TMEFF2: variants seen among roughly 807,000 people sequenced by gnomAD.
TMEFF2 encodes the protein transmembrane protein with EGF like and two follistatin like domains 2, also known as tomoregulin-2.
Under a neutral mutation model 53.8 loss-of-function variants are expected in TMEFF2, and 28 were observed. That is an observed-to-expected ratio of 0.52 (90% CI 0.39 to 0.71). The LOEUF (loss-of-function observed/expected upper bound fraction) is 0.71, where lower values mean the gene tolerates loss of function less well. Among genes scored for constraint, TMEFF2 ranks in the 30% least tolerant of loss-of-function variants. The probability of loss-of-function intolerance (pLI) is 0.00; values close to 1 mark genes in which losing one functional copy is unlikely to be tolerated. For missense variants in TMEFF2, 353 were observed against 455.2 expected, an observed-to-expected ratio of 0.78 and a Z score of 2.04; for synonymous variants, 162 against 166.3, an observed-to-expected ratio of 0.97 and a Z score of 0.20.
intron 4 of TMEFF2, among the ~76,000 whole-genome samples, chr2:192,136,341 T>C (rs185488444): frequency 1.7e-3 from 259 of 152,330 alleles, no homozygotes; most frequent in Middle Eastern, 6.8e-3. Context: ...CTAAGGTTAA[T>C]TGCTAAGTAT....
chr2:192,147,335 C>CTT lies in TMEFF2; in HGVS notation c.439+32331_439+32332dup, dbSNP rs71971421. Among the ~76,000 whole-genome samples, 657 of 151,808 alleles carry CTT rather than the reference C, an allele frequency of 4.3e-3. 16 individuals carry two copies. In the East Asian group the frequency reaches 0.071, roughly 17 times the overall value. ...TATCTTCCTTTATGTTTTATTTTCT[C>CTT]TTTTTTTTATTATACTTTAAGTTTT... On this transcript the variant is annotated intron_variant, in intron 4 of 9. Transcript: ENST00000272771.
At chr2:192,130,003 T>G (rs1689776041) in intron 4 of TMEFF2, among the ~76,000 whole-genome samples, 1 of 152,190 alleles carries the variant, frequency 6.6e-6, no homozygotes, top group African/African-American at 2.4e-5. Flanking sequence ...ATAAAACAAA[T>G]AGATGCAAAA....
intron 4 of TMEFF2, among the ~76,000 whole-genome samples, chr2:192,111,293 A>G (rs1213518569): frequency 1.3e-5 from 2 of 152,150 alleles, no homozygotes; most frequent in East Asian, 3.9e-4. Flanking sequence ...AAATGCTGAT[A>G]ATGATGTGGA....
At chr2:192,088,064 C>T (rs1367017435) in intron 4 of TMEFF2, among the ~76,000 whole-genome samples, 1 of 152,142 alleles carries the variant, frequency 6.6e-6, no homozygotes, top group Non-Finnish European at 1.5e-5. Context: ...GAAACTGCAG[C>T]ATTTCAGTGT....
intron 4 of TMEFF2, among the ~76,000 whole-genome samples, chr2:192,155,930 T>C (rs1690496223): frequency 6.6e-6 from 1 of 151,982 alleles, no homozygotes; most frequent in South Asian, 2.1e-4. Context: ...AAGCTGTTAC[T>C]TACTACTCAT....
intron 5 of TMEFF2, among the ~76,000 whole-genome samples, chr2:192,053,217 CTTT>C (rs1476316360): frequency 1.3e-5 from 2 of 152,064 alleles, no homozygotes; most frequent in African/African-American, 4.8e-5. Flanking sequence ...TTCTCTTCTT[CTTT>C]TATTCTCCTT....
At chr2:192,020,270 G>A (rs986093368) in intron 5 of TMEFF2, among the ~76,000 whole-genome samples, 5 of 152,012 alleles carry the variant, frequency 3.3e-5, no homozygotes, top group East Asian at 1.9e-4. Context: ...TCAAATATAT[G>A]TTATGAATCA....
At position 192,136,505 on chromosome 2, in the gene TMEFF2, T is replaced by A. The variant is rs888340990; in HGVS notation, c.439+43163A>T. Reference sequence around the variant, plus strand: ...GTATTTTAGTGTAGAATAAAATAATTCTTTTCCTATATTAGGTGATGTTTC... The same window carrying A: ...GTATTTTAGTGTAGAATAAAATAATACTTTTCCTATATTAGGTGATGTTTC... On this transcript the variant is annotated intron_variant, in intron 4 of 9. Coordinates refer to ENST00000272771, the MANE Select transcript of TMEFF2 (RefSeq NM_016192.4). Among the ~76,000 whole-genome samples, 3 of 152,216 alleles carry A rather than the reference T, an allele frequency of 2.0e-5. No individual in the cohort carries two copies. The South Asian group carries it at 6.2e-4, about 32-fold the overall frequency.
chr2:192,169,230 A>C (rs1690847660), intron 4 of TMEFF2, among the ~76,000 whole-genome samples: 2 of 152,154 alleles, frequency 1.3e-5, no homozygotes, highest in South Asian at 4.1e-4. Flanking sequence ...CAGAAGATTG[A>C]GGACAATCAT....
At chr2:192,149,533 C>T (rs934499335) in intron 4 of TMEFF2, among the ~76,000 whole-genome samples, 1 of 151,874 alleles carries the variant, frequency 6.6e-6, no homozygotes, top group African/African-American at 2.4e-5. Flanking sequence ...AGCAATGGAG[C>T]TTTGAACTCA....
At chr2:192,164,314 C>T (rs780434122) in intron 4 of TMEFF2, among the ~76,000 whole-genome samples, 3 of 152,134 alleles carry the variant, frequency 2.0e-5, no homozygotes, top group African/African-American at 4.8e-5. Flanking sequence ...CCCTTTGCTC[C>T]GAATGCCCTG....
intron 7 of TMEFF2, among the ~76,000 whole-genome samples, chr2:191,969,325 C>A (rs1692565113): frequency 6.6e-6 from 1 of 152,106 alleles, no homozygotes; most frequent in African/African-American, 2.4e-5. Flanking sequence ...TGGTTGTTTG[C>A]ATCAGAGCCA....
At chr2:192,186,901 T>C (rs1156965123) in intron 2 of TMEFF2, among the ~76,000 whole-genome samples, 1 of 152,184 alleles carries the variant, frequency 6.6e-6, no homozygotes, top group Non-Finnish European at 1.5e-5. Context: ...CATCTTAAAA[T>C]ATCGAATAAA....
chr2:192,075,302 T>TAA (rs1258473625), intron 4 of TMEFF2, among the ~76,000 whole-genome samples: 463 of 38,018 alleles, frequency 0.012, 16 homozygotes, highest in African/African-American at 0.021. Flanking sequence ...TATATATATA[T>TAA]ATATATATAT....
intron 1 of TMEFF2, among the ~76,000 whole-genome samples, chr2:192,193,753 T>TAG (rs60273464): frequency 0.012 from 1,499 of 122,680 alleles, 92 homozygotes; most frequent in Non-Finnish European, 0.018. Flanking sequence ...GAGAGAGAGA[T>TAG]AGATAGATAG....
chr2:192,163,822 T>C (rs1690689436), intron 4 of TMEFF2, among the ~76,000 whole-genome samples: 1 of 152,226 alleles, frequency 6.6e-6, no homozygotes, highest in Non-Finnish European at 1.5e-5. Context: ...CTAAATGACG[T>C]GATGGGGTTA....
chr2:192,190,793 T>A (rs1025174470), intron 2 of TMEFF2, among the ~76,000 whole-genome samples: 1 of 152,208 alleles, frequency 6.6e-6, no homozygotes, highest in African/African-American at 2.4e-5. Context: ...GAATTCCATC[T>A]AAAATATTTA....
chr2:192,127,261 T>C (rs945223689), intron 4 of TMEFF2, among the ~76,000 whole-genome samples: 1 of 152,208 alleles, frequency 6.6e-6, no homozygotes, highest in African/African-American at 2.4e-5. Context: ...CATCAAGGTA[T>C]AATTTTGTAA....
chr2:192,105,976 G>A (rs1267947762), intron 4 of TMEFF2, among the ~76,000 whole-genome samples: 3 of 151,804 alleles, frequency 2.0e-5, no homozygotes, highest in African/African-American at 7.2e-5. Flanking sequence ...CATGTTATTA[G>A]TGAATATCAA....
Sources: gnomAD v4.1 joint callset for allele counts (sites outside exome capture counted in the v4.1 genomes callset) on GRCh38, gnomAD v4.1.1 for gene constraint, MANE v1.5 for transcripts, NCBI Gene and HGNC (gene_info 2026-07-23, HGNC 2026-07-21) for gene names.